The following ANKS1B variants were observed in gnomAD, a reference collection of about 807,000 sequenced individuals.
ANKS1B encodes the protein ankyrin repeat and sterile alpha motif domain containing 1B, also known as ankyrin repeat and sterile alpha motif domain-containing protein 1B.
A neutral mutation model predicts 148.3 loss-of-function variants in ANKS1B; 36 were observed. The ratio of observed to expected loss-of-function variants is 0.24; its 90% CI spans 0.19 to 0.32. ANKS1B has a LOEUF of 0.32. Ranked by LOEUF, ANKS1B falls within the 10% of genes least tolerant of loss-of-function variation. The pLI is 1.00. For missense variants in ANKS1B, 1,157 were observed against 1,542.6 expected (o/e 0.75, Z 4.19); for synonymous variants, 542 against 560.8 (o/e 0.97, Z 0.47).
intron 9 of ANKS1B, among the ~76,000 whole-genome samples, chr12:99,618,731 C>T (rs1220258745): frequency 2.0e-5 from 3 of 151,978 alleles, no homozygotes; most frequent in African/African-American, 7.3e-5. Context: ...GCGCAAGACA[C>T]CAGGAAATAC....
In ANKS1B at chr12:99,775,511, T is replaced by C. The variant is rs2153626691; in HGVS notation, c.961+37A>G. On this transcript the variant is annotated intron_variant, in intron 7 of 26. Transcript: ENST00000683438. ...ATTTTCACAACTGTACATACAAGTC[T>C]AGTATAGATTCCAGGGCTTTATAAT... The C allele has an allele frequency of 2.9e-6, 4 of 1,391,466 alleles. No individual in the cohort carries two copies. The East Asian group carries it at 9.2e-5, about 32-fold the overall frequency. 86.2% of individuals were successfully genotyped at this position (1,391,466 alleles called of 1,614,324 possible). A position where few individuals can be genotyped will look rare whatever the true frequency, so the allele number is the denominator to read the frequency against.
At chr12:98,972,499 C>A (rs1396623197) in intron 17 of ANKS1B, among the ~76,000 whole-genome samples, 2 of 152,098 alleles carry the variant, frequency 1.3e-5, no homozygotes, top group Non-Finnish European at 2.9e-5. Context: ...GATAAGGAAA[C>A]AAAGATTCAG....
chr12:99,638,500 G>A (rs2098266922), intron 9 of ANKS1B, among the ~76,000 whole-genome samples: 1 of 152,216 alleles, frequency 6.6e-6, no homozygotes, highest in African/African-American at 2.4e-5. Context: ...CTAGAGATTT[G>A]TAGAACTTTG....
chr12:99,805,647 T>C (rs1246666605), intron 4 of ANKS1B, among the ~76,000 whole-genome samples: 1 of 151,944 alleles, frequency 6.6e-6, no homozygotes, highest in Admixed American at 6.6e-5. Flanking sequence ...ATAATAATAA[T>C]AATAAAATAT....
intron 12 of ANKS1B, among the ~76,000 whole-genome samples, chr12:99,271,182 C>A (rs1288126118): frequency 2.0e-5 from 3 of 152,116 alleles, no homozygotes; most frequent in Non-Finnish European, 2.9e-5. Context: ...TCTTTATGGC[C>A]TCTCTCTTTT....
chr12:99,968,555 C>CTCAATCAA (rs57273287), intron 1 of ANKS1B, among the ~76,000 whole-genome samples: 9 of 151,460 alleles, frequency 5.9e-5, no homozygotes, highest in East Asian at 3.9e-4. Context: ...GAGCCTCTGT[C>CTCAATCAA]TCAATCAATC....
At chr12:99,662,034 G>A (rs1349403484) in intron 8 of ANKS1B, among the ~76,000 whole-genome samples, 1 of 152,220 alleles carries the variant, frequency 6.6e-6, no homozygotes, top group African/African-American at 2.4e-5. Flanking sequence ...GTTCCTCATA[G>A]AGGTGATCCC....
intron 1 of ANKS1B, among the ~76,000 whole-genome samples, chr12:99,835,396 T>G (rs1275965983): frequency 6.6e-6 from 1 of 151,840 alleles, no homozygotes; most frequent in East Asian, 1.9e-4. Context: ...GCCACTGCAC[T>G]CCAGCCTGGA....
In ANKS1B at chr12:99,366,542, C is replaced by T. The variant is rs561047976; in HGVS notation, c.1756+33089G>A. Among the ~76,000 whole-genome samples the T allele has an allele frequency of 3.9e-5, 6 of 151,936 alleles. No homozygotes were observed. The South Asian group carries it at 6.2e-4, about 16-fold the overall frequency. On this transcript the variant is annotated intron_variant, in intron 12 of 26. Transcript: ENST00000683438. ...ACAAATAGAAAGTCCAGAAATAGAC[C>T]CAGGTATATATAGAAATTGGGTATA...
intron 19 of ANKS1B, among the ~76,000 whole-genome samples, chr12:98,809,966 A>T (rs1450297235): frequency 6.6e-6 from 1 of 152,228 alleles, no homozygotes. Flanking sequence ...ACCCGAGGCC[A>T]TGCTAGGCAA....
chr12:99,051,169 C>T (rs2099965818), intron 17 of ANKS1B, among the ~76,000 whole-genome samples: 1 of 152,162 alleles, frequency 6.6e-6, no homozygotes, highest in African/African-American at 2.4e-5. Flanking sequence ...CACAGGTACC[C>T]CCGGCACTGG....
chr12:99,906,270 C>T (rs958470299), intron 1 of ANKS1B, among the ~76,000 whole-genome samples: 4 of 152,146 alleles, frequency 2.6e-5, no homozygotes, highest in East Asian at 1.9e-4. Context: ...AAAGACCTCA[C>T]GTGAATAATG....
chr12:99,570,001 C>T (rs1467593624), intron 9 of ANKS1B, among the ~76,000 whole-genome samples: 2 of 152,144 alleles, frequency 1.3e-5, no homozygotes, highest in Admixed American at 6.5e-5. Context: ...TTATATAGCC[C>T]TTACCATCAC....
At chr12:99,958,540 G>A (rs1377069411) in intron 1 of ANKS1B, among the ~76,000 whole-genome samples, 2 of 152,046 alleles carry the variant, frequency 1.3e-5, no homozygotes, top group African/African-American at 4.8e-5. Context: ...GCACCACCAT[G>A]CCTAGCTAAT....
intron 17 of ANKS1B, among the ~76,000 whole-genome samples, chr12:98,943,134 G>C (rs1470243017): frequency 6.6e-6 from 1 of 152,154 alleles, no homozygotes; most frequent in Non-Finnish European, 1.5e-5. Context: ...GTGATTACTG[G>C]GTAGTACACT....
chr12:99,877,516 G>A (rs745435688), intron 1 of ANKS1B, among the ~76,000 whole-genome samples: 8 of 152,198 alleles, frequency 5.3e-5, no homozygotes, highest in Non-Finnish European at 1.0e-4. Flanking sequence ...CACTTTGATA[G>A]AACCCACATT....
At chr12:99,627,065 G>A (rs2098117985) in intron 9 of ANKS1B, among the ~76,000 whole-genome samples, 1 of 152,060 alleles carries the variant, frequency 6.6e-6, no homozygotes, top group South Asian at 2.1e-4. Flanking sequence ...CGCCTGATAA[G>A]TAAAACAAAA....
intron 9 of ANKS1B, among the ~76,000 whole-genome samples, chr12:99,617,877 G>T (rs1376279296): frequency 6.6e-6 from 1 of 151,758 alleles, no homozygotes; most frequent in African/African-American, 2.4e-5. Flanking sequence ...CAATCAGGTA[G>T]GCATATACTG....
intron 9 of ANKS1B, among the ~76,000 whole-genome samples, chr12:99,579,218 A>G: frequency 6.6e-6 from 1 of 152,112 alleles, no homozygotes; most frequent in East Asian, 1.9e-4. Context: ...TTAAACACTT[A>G]AATATAAGAC....
Sources: allele counts gnomAD v4.1 joint callset (sites outside exome capture counted in the v4.1 genomes callset), GRCh38; gene constraint gnomAD v4.1.1; transcripts MANE v1.5; gene names NCBI Gene and HGNC (gene_info 2026-07-23, HGNC 2026-07-21).